The following RNF17 variants were observed in gnomAD, a reference collection of about 807,000 sequenced individuals.
RNF17 encodes ring finger protein 17.
In RNF17, 31 loss-of-function variants were observed where a neutral mutation model predicts 200.5. The ratio of observed to expected loss-of-function variants is 0.15; its 90% CI spans 0.12 to 0.21. The LOEUF is 0.21. Ranked by LOEUF, RNF17 falls within the 10% of genes least tolerant of loss-of-function variation. The pLI, the probability that RNF17 is intolerant of heterozygous loss-of-function variation, is 1.00. For missense variants in RNF17, 1,628 were observed against 1,905.1 expected (o/e 0.85, Z 2.71); for synonymous variants, 606 against 637.8 (o/e 0.95, Z 0.75).
downstream of RNF17, chr13:24,884,447 T>C: frequency 6.2e-7 from 1 of 1,614,090 alleles, no homozygotes. Flanking sequence ...GCACCCATTC[T>C]TATAAACCTT....
chr13:24,821,527 T>C (rs1407797276), intron 15 of RNF17, among the ~76,000 whole-genome samples: 1 of 152,162 alleles, frequency 6.6e-6, no homozygotes, highest in East Asian at 1.9e-4. Flanking sequence ...TTTACTTCTC[T>C]CCATTCTTTT....
chr13:24,815,426 GGGGTGT>G (rs1887258883), intron 15 of RNF17, among the ~76,000 whole-genome samples: 1 of 126,080 alleles, frequency 7.9e-6, no homozygotes, highest in African/African-American at 3.3e-5. Context: ...TAGCCCTAAC[GGGGTGT>G]GTGTGTGTGT....
chr13:24,842,959 A>G (rs947011584), intron 19 of RNF17, among the ~76,000 whole-genome samples: 2 of 151,182 alleles, frequency 1.3e-5, no homozygotes, highest in Non-Finnish European at 1.5e-5. Context: ...TGCACTCCAG[A>G]GTGTCTGACA....
intron 2 of RNF17, among the ~76,000 whole-genome samples, chr13:24,771,935 C>A (rs1178276776): frequency 6.6e-6 from 1 of 151,758 alleles, no homozygotes; most frequent in Non-Finnish European, 1.5e-5. Context: ...ACCCAGGAGG[C>A]GGAGGTTGCA....
intron 25 of RNF17, among the ~76,000 whole-genome samples, chr13:24,855,488 C>T (rs1892377465): frequency 6.6e-6 from 1 of 151,992 alleles, no homozygotes; most frequent in African/African-American, 2.4e-5. Flanking sequence ...ATTAGCTGGA[C>T]ATGGTGGCAC....
chr13:24,796,415 C>T, intron 11 of RNF17, 120 bp downstream of exon 11: 1 of 581,580 alleles, frequency 1.7e-6, no homozygotes, highest in Non-Finnish European at 2.7e-6. Flanking sequence ...TTGTAGTAAG[C>T]ATAAAAGTTT....
chr13:24,788,786 T>TG (rs1883457163), intron 7 of RNF17, among the ~76,000 whole-genome samples: 1 of 152,120 alleles, frequency 6.6e-6, no homozygotes, highest in Admixed American at 6.6e-5. Context: ...CCTAAGGGTA[T>TG]AGGTTTTGCT....
chr13:24,807,961 T>G (rs1168948423), intron 15 of RNF17, among the ~76,000 whole-genome samples: 1 of 152,058 alleles, frequency 6.6e-6, no homozygotes, highest in Non-Finnish European at 1.5e-5. Context: ...TTTGTAGATA[T>G]GCGGCGTTAT....
At chr13:24,802,282 C>A (rs1026014) in intron 13 of RNF17, 99 bp from the exon 14 acceptor site, 17 of 1,052,364 alleles carry the variant, frequency 1.6e-5, no homozygotes, top group Non-Finnish European at 2.0e-5. Context: ...TCAGTTTGTT[C>A]GCAGTTGCGT....
At position 24,861,305 on chromosome 13, in the gene RNF17, C is replaced by T. The variant is rs750750208; in HGVS notation, c.3812C>T (p.Pro1271Leu). ...GATCATGGATTCACTGAAAAGATTC[C>T]GCAGTGCCATCTTTACCCTATTTTG... ...YLDHGFTEKI[P>L]QCHLYPILLY... is the part of the protein sequence containing the mutation. Residue 1271 changes from proline to leucine, a missense_variant, in exon 27 of 36, where the codon CCG becomes CTG. Physicochemically the swap from Pro to Leu is moderately conservative, Grantham distance 98. Coordinates refer to ENST00000255324, the MANE Select transcript of RNF17 (RefSeq NM_031277.3). 13 of 1,594,924 alleles carry T rather than the reference C, an allele frequency of 8.2e-6. No individual in the cohort carries two copies. Among genetic ancestry groups the T allele is most frequent in the Admixed American group, 5.2e-5 (3 of 57,866 alleles).
chr13:24,810,217 ATCTG>A (rs1328908948), intron 15 of RNF17, among the ~76,000 whole-genome samples: 3,527 of 148,948 alleles, frequency 0.024, 132 homozygotes, highest in African/African-American at 0.083. Context: ...TGTCTCGTTG[ATCTG>A]TCTAATGTTG....
chr13:24,777,412 A>G (rs1881720941), intron 3 of RNF17, among the ~76,000 whole-genome samples: 1 of 152,224 alleles, frequency 6.6e-6, no homozygotes, highest in African/African-American at 2.4e-5. Flanking sequence ...TCATGCCTTT[A>G]ATTCCAGCAC....
intron 5 of RNF17, 62 bp downstream of exon 5, chr13:24,779,809 C>T: frequency 8.0e-7 from 1 of 1,243,012 alleles, no homozygotes; most frequent in South Asian, 1.2e-5. Context: ...TAAGTGTGTA[C>T]ATTTGGAGAT....
At chr13:24,866,076 T>G (rs1359396718) in intron 29 of RNF17, 68 bp from the exon 30 acceptor site, 1 of 844,182 alleles carries the variant, frequency 1.2e-6, no homozygotes, top group East Asian at 2.6e-5. Context: ...TTTGTGGGGA[T>G]GAAATATGGA....
intron 14 of RNF17, among the ~76,000 whole-genome samples, chr13:24,803,180 A>G (rs570139999): frequency 1.3e-5 from 2 of 152,374 alleles, no homozygotes; most frequent in East Asian, 3.9e-4. Flanking sequence ...CAATAATTAT[A>G]GTTTAACTGT....
At chr13:24,802,053 C>T (rs1441946214) in intron 13 of RNF17, among the ~76,000 whole-genome samples, 1 of 151,972 alleles carries the variant, frequency 6.6e-6, no homozygotes, top group Non-Finnish European at 1.5e-5. Context: ...GTGGCATGAT[C>T]TCGGCTCACT....
chr13:24,859,413 A>G (rs1380294011), intron 26 of RNF17, among the ~76,000 whole-genome samples: 1 of 152,170 alleles, frequency 6.6e-6, no homozygotes, highest in East Asian at 1.9e-4. Context: ...CTTAGTTGTA[A>G]TTGGTAGCCC....
At position 24,879,249 on chromosome 13, in the gene RNF17, G is replaced by A. The variant is rs576396754; in HGVS notation, c.4836G>A (p.Pro1612=). The change falls in exon 35 of 36, where the codon CCG becomes CCA. Residue 1612 remains proline, a synonymous_variant. Coordinates refer to ENST00000255324, the MANE Select transcript of RNF17 (RefSeq NM_031277.3). ...YDDEQHPVHM[P]LVEMGLADKD... is the part of the protein sequence containing the mutation. ...ATGAACAGCATCCAGTTCATATGCCGTTGGTAGAAATGGGGCTTGCAGATA... is the reference window on the plus strand; with the variant it reads ...ATGAACAGCATCCAGTTCATATGCCATTGGTAGAAATGGGGCTTGCAGATA... 5.8e-5 allele frequency: 93 copies of A among 1,613,554 alleles called. No homozygotes were observed. The highest frequency in any genetic ancestry group is 6.7e-5 in the African/African-American group (5 of 75,032).
chr13:24,794,142 T>C lies in RNF17; in HGVS notation c.1240+796T>C, dbSNP rs377596143. ...GTTAGTACAAGTTGTCTTTATTTCT[T>C]ATTTTGATGAAGCATGCGGCACAGA... On this transcript the variant is annotated intron_variant, in intron 10 of 35. Transcript: ENST00000255324. 1.4e-5 allele frequency: 6 copies of C among 443,308 alleles called. No homozygotes were observed. In the East Asian group the frequency reaches 2.8e-4, roughly 21 times the overall value. 27.5% of individuals were successfully genotyped at this position (443,308 alleles called of 1,614,324 possible).
Sources: allele counts gnomAD v4.1 joint callset (sites outside exome capture counted in the v4.1 genomes callset), GRCh38; gene constraint gnomAD v4.1.1; transcripts MANE v1.5; gene names NCBI Gene and HGNC (gene_info 2026-07-23, HGNC 2026-07-21).